Variants in HDAC4 observed in about 807,000 individuals in gnomAD.
HDAC4 encodes the protein histone deacetylase 4.
HDAC4 carries 16 observed loss-of-function variants against 135.1 expected under a neutral mutation model. The observed-to-expected ratio is 0.12, with a 90% CI of 0.08 to 0.18. The LOEUF (loss-of-function observed/expected upper bound fraction) is 0.18, where lower values mean the gene tolerates loss of function less well. Ranked by LOEUF, HDAC4 falls within the 10% of genes least tolerant of loss-of-function variation. The pLI, the probability that HDAC4 is intolerant of heterozygous loss-of-function variation, is 1.00. For missense variants in HDAC4, 1,143 were observed against 1,511.8 expected (o/e 0.76, Z 4.05); for synonymous variants, 685 against 653.4 (o/e 1.05, Z -0.74).
chr2:239,264,760 C>T (rs967808608), intron 2 of HDAC4, among the ~76,000 whole-genome samples: 2 of 152,216 alleles, frequency 1.3e-5, no homozygotes, highest in African/African-American at 4.8e-5. Context: ...AAAGCCATGC[C>T]TTGCGGCAGG....
chr2:239,098,887 G>A (rs527635456), intron 16 of HDAC4, among the ~76,000 whole-genome samples: 1 of 152,350 alleles, frequency 6.6e-6, no homozygotes, highest in South Asian at 2.1e-4. Flanking sequence ...GGTAATGGGA[G>A]AGGCATCCTC....
In HDAC4 at chr2:239,053,595, T is replaced by C. The variant is rs778685101; in HGVS notation, c.3095A>G (p.Tyr1032Cys). 2 of 1,613,618 alleles carry C rather than the reference T, an allele frequency of 1.2e-6. No homozygotes were observed. Among genetic ancestry groups the C allele is most frequent in the South Asian group, 2.2e-5 (2 of 91,064 alleles). ...GGTTGTGCGCTGCAGGCAGCGCCAG[T>C]ACTTGCCTGGGGTGGTGGGGTGAGG... ...MEKVMEIHSK[Y>C]WRCLQRTTST... The change falls in exon 26 of 27, where the codon TAC becomes TGC. Residue 1032 changes from tyrosine (Y) to cysteine (C), a missense_variant. This residue lies in a region of HDAC4 where 131 missense variants were observed against 130.6 expected (regional missense o/e 1.00). Transcript: ENST00000543185.
intron 3 of HDAC4, among the ~76,000 whole-genome samples, chr2:239,235,054 T>C (rs997415003): frequency 6.6e-6 from 1 of 152,088 alleles, no homozygotes. Context: ...AATTTTAAAA[T>C]TGTGCATCTT....
intron 3 of HDAC4, among the ~76,000 whole-genome samples, chr2:239,217,158 G>A (rs555378886): frequency 6.6e-5 from 10 of 152,260 alleles, no homozygotes; most frequent in East Asian, 1.9e-4. Flanking sequence ...AAGGGGACCC[G>A]CTGGTGGCAG....
rs1336869999 is a variant in HDAC4, at chr2:239,053,370, G to A, written c.3230+90C>T. 5.9e-6 allele frequency: 9 copies of A among 1,521,458 alleles called. No homozygotes were observed. The Admixed American group carries it at 1.6e-4, about 27-fold the overall frequency. 94.2% of individuals were successfully genotyped at this position (1,521,458 alleles called of 1,614,324 possible). ...GTCTCTAGTCTGTTGGGCAGGGCATGTGCCATAAAGGTTCTGACCCTGAAT... is the reference window on the plus strand; with the variant it reads ...GTCTCTAGTCTGTTGGGCAGGGCATATGCCATAAAGGTTCTGACCCTGAAT... On this transcript the variant is annotated intron_variant, in intron 26 of 26. Transcript: ENST00000543185.
At chr2:239,329,793 C>T (rs749322360) in intron 2 of HDAC4, among the ~76,000 whole-genome samples, 4 of 152,168 alleles carry the variant, frequency 2.6e-5, no homozygotes, top group Admixed American at 6.5e-5. Flanking sequence ...GGAACAGGCG[C>T]TGGGCTCCGT....
At chr2:239,127,533 T>C (rs1259317888) in intron 11 of HDAC4, among the ~76,000 whole-genome samples, 1 of 152,232 alleles carries the variant, frequency 6.6e-6, no homozygotes. Context: ...GAACCCTCTG[T>C]CCTGCTCTGT....
intron 1 of HDAC4, among the ~76,000 whole-genome samples, chr2:239,357,084 T>A (rs1693535476): frequency 6.6e-6 from 1 of 152,206 alleles, no homozygotes; most frequent in Admixed American, 6.5e-5. Flanking sequence ...TTCACGTTCT[T>A]TTTTAAAAAC....
chr2:239,178,191 CCT>C (rs1559184270), intron 4 of HDAC4, among the ~76,000 whole-genome samples: 1 of 152,226 alleles, frequency 6.6e-6, no homozygotes, highest in Non-Finnish European at 1.5e-5. Flanking sequence ...TCTCTGCCAC[CCT>C]CTGTGGCCGC....
chr2:239,226,744 A>G (rs2047264562), intron 3 of HDAC4, among the ~76,000 whole-genome samples: 1 of 152,232 alleles, frequency 6.6e-6, no homozygotes, highest in African/African-American at 2.4e-5. Context: ...TTTCTGCCTC[A>G]GGCACTGCGG....
intron 3 of HDAC4, among the ~76,000 whole-genome samples, chr2:239,202,032 C>T (rs371489596): frequency 6.6e-6 from 1 of 152,208 alleles, no homozygotes. Context: ...CCTCCACCCC[C>T]CTGCAGGCAT....
chr2:239,380,489 C>T (rs764931567), intron 1 of HDAC4, among the ~76,000 whole-genome samples: 5 of 152,198 alleles, frequency 3.3e-5, no homozygotes, highest in African/African-American at 4.8e-5. Context: ...GAGTTCACCA[C>T]GGGCCTGACA....
At chr2:239,324,129 TA>T (rs1412810157) in intron 2 of HDAC4, among the ~76,000 whole-genome samples, 1 of 152,192 alleles carries the variant, frequency 6.6e-6, no homozygotes, top group Non-Finnish European at 1.5e-5. Context: ...AAAAAGTAAC[TA>T]ACGCACATAA....
chr2:239,366,561 G>A (rs940217162), intron 1 of HDAC4, among the ~76,000 whole-genome samples: 7 of 152,178 alleles, frequency 4.6e-5, no homozygotes, highest in African/African-American at 1.7e-4. Flanking sequence ...AATAAACTCT[G>A]GAGAGGAAGA....
chr2:239,156,058 C>A (rs573460870), intron 7 of HDAC4, among the ~76,000 whole-genome samples: 1 of 152,244 alleles, frequency 6.6e-6, no homozygotes, highest in African/African-American at 2.4e-5. Flanking sequence ...CTGCTGCAGC[C>A]GCCTCTCCCT....
intron 2 of HDAC4, among the ~76,000 whole-genome samples, chr2:239,263,569 C>T (rs1245143265): frequency 6.6e-6 from 1 of 152,086 alleles, no homozygotes; most frequent in Admixed American, 6.5e-5. Context: ...CTGTCAAGGA[C>T]AGGGGCAAGG....
intron 3 of HDAC4, among the ~76,000 whole-genome samples, chr2:239,231,407 C>A (rs188793150): frequency 9.1e-4 from 139 of 152,116 alleles, no homozygotes; most frequent in African/African-American, 3.2e-3. Context: ...ATATGCTGAG[C>A]GACCCTGGGA....
At chr2:239,124,636 G>GTGT (rs1559475031) in intron 12 of HDAC4, among the ~76,000 whole-genome samples, 28 of 60,988 alleles carry the variant, frequency 4.6e-4, no homozygotes, top group African/African-American at 2.0e-3. Context: ...GCATGTGGCC[G>GTGT]CACATCATTC....
intron 3 of HDAC4, among the ~76,000 whole-genome samples, chr2:239,202,474 G>T (rs1293309956): frequency 6.6e-6 from 1 of 152,188 alleles, no homozygotes; most frequent in East Asian, 1.9e-4. Flanking sequence ...CTCTGGAGAA[G>T]GTACCCTGGC....
Sources: gnomAD v4.1 joint callset for allele counts (sites outside exome capture counted in the v4.1 genomes callset) on GRCh38, gnomAD v4.1.1 for gene constraint, gnomAD v4.1.1 regional missense constraint, MANE v1.5 for transcripts, NCBI Gene and HGNC (gene_info 2026-07-23, HGNC 2026-07-21) for gene names.